The following NSMCE4A variants were observed in gnomAD, a reference collection of about 807,000 sequenced individuals.
NSMCE4A encodes the protein NSE4A component of SMC5/6 complex, also known as non-structural maintenance of chromosomes element 4 homolog A.
In NSMCE4A, 40 loss-of-function variants were observed where a neutral mutation model predicts 47.9. That is an observed-to-expected ratio of 0.83 (90% confidence interval 0.65 to 1.09). The LOEUF (loss-of-function observed/expected upper bound fraction) is 1.09, where lower values mean the gene tolerates loss of function less well. NSMCE4A is among the 50% of genes least tolerant of loss of function. The pLI is 0.00. For synonymous variants in NSMCE4A, 166 were observed against 178.5 expected (o/e 0.93, Z 0.56); for missense variants, 500 against 507.0 (o/e 0.99, Z 0.13).
chr10:121,971,109 C>G, intron 2 of NSMCE4A, 40 bp from the exon 3 acceptor site: 2 of 1,572,966 alleles, frequency 1.3e-6, no homozygotes, highest in South Asian at 2.3e-5. Flanking sequence ...TTACAAAATA[C>G]ACATTATCCA....
rs1952471381 is a variant in NSMCE4A at position 121,960,096 on chromosome 10, A to C, written c.988+262T>G. Reference sequence around the variant, plus strand: ...TACTACAAAAATGACTGCAATCACCAACTTTCTAAATTAAGATCTGAGGGA... The same window carrying C: ...TACTACAAAAATGACTGCAATCACCCACTTTCTAAATTAAGATCTGAGGGA... On this transcript the variant is annotated intron_variant, in intron 8 of 10. Transcript: ENST00000369023. This position sits in a 1 kb window ranked among gnomAD's most constrained non-coding sequence, Gnocchi z 4.2. The C allele has an allele frequency of 5.9e-6, 2 of 336,498 alleles. No homozygotes were observed. The highest frequency in any genetic ancestry group is 1.1e-5 in the Non-Finnish European group (2 of 189,036). 20.8% of individuals were successfully genotyped at this position (336,498 alleles called of 1,614,324 possible).
chr10:121,957,424 TTTTTC>T (rs1235627429), intron 10 of NSMCE4A, among the ~76,000 whole-genome samples, 165 bp from the exon 11 acceptor site: 11 of 104,592 alleles, frequency 1.1e-4, no homozygotes, highest in African/African-American at 4.2e-4. Context: ...CCCTTCTTCT[TTTTTC>T]TTTTTTTTTT....
intron 3 of NSMCE4A, among the ~76,000 whole-genome samples, chr10:121,969,459 T>C (rs1193386193): frequency 6.8e-6 from 1 of 147,980 alleles, no homozygotes; most frequent in African/African-American, 2.5e-5. Flanking sequence ...TATATTACAG[T>C]GCACTTTCCT....
intron 1 of NSMCE4A, 176 bp from the exon 2 acceptor site, chr10:121,974,257 A>C (rs1400469511): frequency 7.1e-7 from 1 of 1,414,744 alleles, no homozygotes; most frequent in Non-Finnish European, 9.3e-7. Context: ...AGGCCACCCT[A>C]CCCTTTATGC....
rs371992226 is a variant in NSMCE4A, at chr10:121,965,376, T to G, written c.663A>C (p.Ser221=). The G allele has an allele frequency of 9.3e-6, 15 of 1,610,148 alleles. No individual in the cohort carries two copies. Among genetic ancestry groups the G allele is most frequent in the Admixed American group, 1.7e-5 (1 of 58,972 alleles). The part of the protein sequence containing the change: ...KTHTFHFLLG[S]IYGECPVPKP... ...TTGGCACAGGGCACTCTCCGTATAT[T>G]GAACCCAACCTAATGAAAAGTATGC... The change falls in exon 5 of 11, where the codon TCA becomes TCC. Residue 221 remains serine, a synonymous_variant. Coordinates refer to ENST00000369023, the MANE Select transcript of NSMCE4A (RefSeq NM_017615.3).
At chr10:121,967,884 C>T in intron 3 of NSMCE4A, 78 bp from the exon 4 acceptor site, 2 of 1,480,764 alleles carry the variant, frequency 1.4e-6, no homozygotes, top group Admixed American at 2.1e-5. Flanking sequence ...CCGCATCACT[C>T]AACCTTTAAG....
At chr10:121,973,743 G>A (rs1189938237) in intron 2 of NSMCE4A, among the ~76,000 whole-genome samples, 2 of 152,196 alleles carry the variant, frequency 1.3e-5, no homozygotes, top group Non-Finnish European at 2.9e-5. Flanking sequence ...CACATGTAAC[G>A]TTCTCAAACT....
In NSMCE4A at chr10:121,965,328, T is replaced by C. The variant is rs748643618; in HGVS notation, c.711A>G (p.Arg237=). Residue 237 remains arginine (R), a synonymous_variant, in exon 5 of 11, where the codon AGA becomes AGG. Coordinates refer to ENST00000369023, the MANE Select transcript of NSMCE4A (RefSeq NM_017615.3). ...PVPKPRVDRP[R]KVPVIQEERA... is the part of the protein sequence containing the mutation. ...TCTCCTCTTGTATCACAGGAACTTT[T>C]CTTGGACGATCAACTCGTGGCTTTG... 7.4e-6 allele frequency: 12 copies of C among 1,614,038 alleles called. No homozygotes were observed. The highest frequency in any genetic ancestry group is 2.7e-5 in the African/African-American group (2 of 75,060).
intron 6 of NSMCE4A, among the ~76,000 whole-genome samples, chr10:121,962,894 AAAAC>A (rs1393916196): frequency 6.6e-6 from 1 of 152,188 alleles, no homozygotes; most frequent in East Asian, 1.9e-4. Context: ...ACGCCCGGCC[AAAAC>A]AAACTATTTA....
At chr10:121,964,692 G>A (rs145427922) in intron 5 of NSMCE4A, among the ~76,000 whole-genome samples, 1,772 of 152,260 alleles carry the variant, frequency 0.012, 15 homozygotes, top group Middle Eastern at 0.021. Flanking sequence ...TGCCCGCCTC[G>A]GCCTCCCAAA....
chr10:121,965,431 T>C, intron 4 of NSMCE4A, 46 bp from the exon 5 acceptor site: 1 of 1,452,794 alleles, frequency 6.9e-7, no homozygotes. Flanking sequence ...CTGTTGTTTG[T>C]TAAACAAACT....
intron 2 of NSMCE4A, among the ~76,000 whole-genome samples, chr10:121,973,508 T>TCACA (rs1466830698): frequency 6.6e-6 from 1 of 152,092 alleles, no homozygotes; most frequent in African/African-American, 2.4e-5. Context: ...ACTCACTCAC[T>TCACA]CACACACAAC....
chr10:121,966,881 T>C (rs963096279), intron 4 of NSMCE4A: 1 of 152,168 alleles, frequency 6.6e-6, no homozygotes, highest in Non-Finnish European at 1.5e-5. Flanking sequence ...AAAGAAATCT[T>C]TTTTTTAAAT....
chr10:121,961,724 T>C, intron 6 of NSMCE4A: 1 of 458,416 alleles, frequency 2.2e-6, no homozygotes, highest in Non-Finnish European at 3.8e-6. Context: ...GAAGCTGTGC[T>C]ACAGAAATAC....
chr10:121,968,426 A>G (rs550040893), intron 3 of NSMCE4A, among the ~76,000 whole-genome samples: 23 of 152,200 alleles, frequency 1.5e-4, no homozygotes, highest in Non-Finnish European at 3.1e-4. Flanking sequence ...AAGACAGCAC[A>G]AGGAAGTTCA....
chr10:121,972,850 AT>A (rs1162195427), intron 2 of NSMCE4A, among the ~76,000 whole-genome samples: 1 of 152,196 alleles, frequency 6.6e-6, no homozygotes, highest in African/African-American at 2.4e-5. Context: ...GGTCAAAGAA[AT>A]TGGAGAGCAT....
In NSMCE4A at chr10:121,960,396, G is replaced by A; in HGVS notation, c.950C>T (p.Ala317Val). The change falls in exon 8 of 11, where the codon GCA (alanine) becomes GTA (valine). Residue 317 changes from alanine (A) to valine (V), a missense_variant. Physicochemically the swap from Ala to Val is moderately conservative, Grantham distance 64. Coordinates refer to ENST00000369023, the MANE Select transcript of NSMCE4A (RefSeq NM_017615.3). This position sits in a 1 kb window ranked among gnomAD's most constrained non-coding sequence, Gnocchi z 4.2. ...HVSFIIRDGF[A>V]RIRLDQDRLP... ...TCGGTCTTGGTCAAGTCTTATTCTTGCAAAACCATCCTAAAACGAAAACAT... is the reference window on the plus strand; with the variant it reads ...TCGGTCTTGGTCAAGTCTTATTCTTACAAAACCATCCTAAAACGAAAACAT... 7 of 1,502,750 alleles carry A rather than the reference G, an allele frequency of 4.7e-6. 1 individual carries two copies. Among genetic ancestry groups the A allele is most frequent in the Middle Eastern group, 3.5e-4 (2 of 5,670 alleles). The allele number at this position is 1,502,750 out of a possible 1,614,324, so 93.1% of individuals were successfully genotyped here.
At chr10:121,974,109 A>G in intron 1 of NSMCE4A, 28 bp from the exon 2 acceptor site, 2 of 1,560,044 alleles carry the variant, frequency 1.3e-6, no homozygotes, top group South Asian at 2.3e-5. Context: ...AACTTTGGGA[A>G]ATTTGTTCAG....
At chr10:121,959,643 G>C (rs780121976) in intron 8 of NSMCE4A, 48 bp from the exon 9 acceptor site, 26 of 1,308,744 alleles carry the variant, frequency 2.0e-5, no homozygotes, top group South Asian at 1.2e-4. Context: ...TATTAAATCG[G>C]AACAGGTAAT....
Sources: allele counts gnomAD v4.1 joint callset (sites outside exome capture counted in the v4.1 genomes callset), GRCh38; gene constraint gnomAD v4.1.1; non-coding constraint Gnocchi (gnomAD v3.1); transcripts MANE v1.5; gene names NCBI Gene and HGNC (gene_info 2026-07-23, HGNC 2026-07-21).